The following GPR39 variants were observed in gnomAD, a reference collection of about 807,000 sequenced individuals.
The protein encoded by GPR39 is zinc sensing receptor.
GPR39 carries 23 observed loss-of-function variants against 18.4 expected under a neutral mutation model. That is an observed-to-expected ratio of 1.25 (90% CI 0.90 to 1.77). GPR39 has a LOEUF of 1.77. GPR39 is among the 40% of genes most tolerant of loss of function. The pLI is 0.00. For synonymous variants in GPR39, 280 were observed against 257.9 expected (o/e 1.09, Z -0.82); for missense variants, 647 against 602.4 (o/e 1.07, Z -0.78).
chr2:132,598,055 C>T (rs563428617), intron 1 of GPR39, among the ~76,000 whole-genome samples: 29 of 152,306 alleles, frequency 1.9e-4, no homozygotes, highest in African/African-American at 5.8e-4. Flanking sequence ...AGCTGCAAGT[C>T]GGGGCCACAG....
At chr2:132,528,571 G>A (rs1679553413) in intron 1 of GPR39, among the ~76,000 whole-genome samples, 1 of 152,172 alleles carries the variant, frequency 6.6e-6, no homozygotes, top group South Asian at 2.1e-4. Context: ...AGGATGGAAT[G>A]TTTTCCATTG....
chr2:132,499,738 C>G (rs554663522), intron 1 of GPR39, among the ~76,000 whole-genome samples: 1 of 152,212 alleles, frequency 6.6e-6, no homozygotes, highest in African/African-American at 2.4e-5. Context: ...TCTATGATTT[C>G]TTTCAGCAGT....
At chr2:132,608,398 CCT>C (rs1681179130) in intron 1 of GPR39, among the ~76,000 whole-genome samples, 1 of 152,166 alleles carries the variant, frequency 6.6e-6, no homozygotes, top group African/African-American at 2.4e-5. Context: ...CCCCCGGCTC[CCT>C]GTCATTTCCA....
chr2:132,420,947 G>A (rs982483999), intron 1 of GPR39, among the ~76,000 whole-genome samples: 2 of 152,224 alleles, frequency 1.3e-5, no homozygotes, highest in Admixed American at 6.5e-5. Context: ...GGAAATAGGA[G>A]TGTCTTGTCT....
chr2:132,638,644 C>T (rs1478960921), intron 1 of GPR39, among the ~76,000 whole-genome samples: 16 of 152,218 alleles, frequency 1.1e-4, no homozygotes, highest in Admixed American at 1.0e-3. Flanking sequence ...ATCAACATCT[C>T]AGCTGACTTG....
intron 1 of GPR39, among the ~76,000 whole-genome samples, chr2:132,488,282 CT>C (rs1266261856): frequency 6.6e-6 from 1 of 152,066 alleles, no homozygotes; most frequent in East Asian, 1.9e-4. Flanking sequence ...ATTTTAAAAC[CT>C]TTAAAAGCGT....
At chr2:132,469,262 C>G (rs1680986636) in intron 1 of GPR39, among the ~76,000 whole-genome samples, 1 of 152,194 alleles carries the variant, frequency 6.6e-6, no homozygotes, top group Non-Finnish European at 1.5e-5. Context: ...CCCCTGCTGA[C>G]AGATCCTATT....
At chr2:132,634,207 T>C (rs1681706908) in intron 1 of GPR39, among the ~76,000 whole-genome samples, 1 of 152,082 alleles carries the variant, frequency 6.6e-6, no homozygotes. Context: ...GAGATGATTC[T>C]GGAGGTGAGA....
At chr2:132,515,309 T>G (rs1679312711) in intron 1 of GPR39, among the ~76,000 whole-genome samples, 1 of 152,234 alleles carries the variant, frequency 6.6e-6, no homozygotes, top group African/African-American at 2.4e-5. Context: ...CTCTTAGTTA[T>G]TGACTGACCA....
intron 1 of GPR39, among the ~76,000 whole-genome samples, chr2:132,561,291 A>G (rs1195013991): frequency 6.6e-6 from 1 of 152,102 alleles, no homozygotes; most frequent in African/African-American, 2.4e-5. Flanking sequence ...GTCCCACTCC[A>G]GGTGAATCAT....
At chr2:132,615,838 C>A (rs1681324122) in intron 1 of GPR39, among the ~76,000 whole-genome samples, 1 of 151,990 alleles carries the variant, frequency 6.6e-6, no homozygotes, top group South Asian at 2.1e-4. Flanking sequence ...GAGGCCTTTA[C>A]TCTCAGGTGT....
intron 1 of GPR39, among the ~76,000 whole-genome samples, chr2:132,512,939 G>A (rs948490415): frequency 1.3e-5 from 2 of 152,130 alleles, no homozygotes; most frequent in Non-Finnish European, 2.9e-5. Context: ...GTGGCTTAAA[G>A]CACCCATTAT....
At chr2:132,474,830 A>C (rs1339422228) in intron 1 of GPR39, among the ~76,000 whole-genome samples, 1 of 152,172 alleles carries the variant, frequency 6.6e-6, no homozygotes, top group Non-Finnish European at 1.5e-5. Flanking sequence ...TCCTGCCTGC[A>C]GTGGACAGCC....
In GPR39 at chr2:132,417,178, C is replaced by G. The variant is rs754912181; in HGVS notation, c.136C>G (p.Leu46Val). The change falls in exon 1 of 2, where the codon CTG becomes GTG. Residue 46 changes from leucine to valine, a missense_variant. Physicochemically the swap from Leu to Val is conservative, Grantham distance 32 (BLOSUM62 1). Around this residue, in one of 3 missense-constraint regions of GPR39, gnomAD observed 61 missense variants for 79.2 expected, o/e 0.77. Coordinates refer to ENST00000329321, the MANE Select transcript of GPR39 (RefSeq NM_001508.3). Reference sequence around the variant, plus strand: ...CCTGATCATCTTCGTGATGGGCCTTCTGGGGAACAGCGCCACCATTCGGGT... The same window carrying G: ...CCTGATCATCTTCGTGATGGGCCTTGTGGGGAACAGCGCCACCATTCGGGT... ...VYLIIFVMGLLGNSATIRVTQ... is the reference protein window; with the variant it reads ...VYLIIFVMGLVGNSATIRVTQ... The G allele has an allele frequency of 2.5e-6, 4 of 1,614,028 alleles. No individual in the cohort carries two copies. The highest frequency in any genetic ancestry group is 2.2e-5 in the South Asian group (2 of 91,086).
chr2:132,595,717 G>A (rs1047960770), intron 1 of GPR39, among the ~76,000 whole-genome samples: 2 of 152,068 alleles, frequency 1.3e-5, no homozygotes, highest in Non-Finnish European at 2.9e-5. Flanking sequence ...TCATCATAAT[G>A]TGCCATTTTT....
chr2:132,528,213 C>T (rs1679547238), intron 1 of GPR39, among the ~76,000 whole-genome samples: 1 of 152,228 alleles, frequency 6.6e-6, no homozygotes, highest in African/African-American at 2.4e-5. Flanking sequence ...TTGTTTTTGT[C>T]AGGTTTGTTG....
In GPR39 at chr2:132,621,776, C is replaced by T. The variant is rs553537849; in HGVS notation, c.857-23325C>T. On this transcript the variant is annotated intron_variant, in intron 1 of 1. Transcript: ENST00000329321. The stretch of plus-strand genomic sequence containing the variant: ...AAGTGGGTTCAGTGATGTCCATCTT[C>T]CAAGGTTATTGCAGGGCGTGAATTT... 1.5e-3 allele frequency among the ~76,000 whole-genome samples: 226 copies of T among 152,304 alleles called. 1 individual carries two copies. The highest frequency in any genetic ancestry group is 5.0e-3 in the African/African-American group (209 of 41,566).
chr2:132,441,433 T>C (rs941173201), intron 1 of GPR39, among the ~76,000 whole-genome samples: 14 of 151,998 alleles, frequency 9.2e-5, no homozygotes, highest in Admixed American at 7.9e-4. Context: ...GTTTATTGAA[T>C]GCCTACCATG....
At chr2:132,556,525 G>A (rs913631829) in intron 1 of GPR39, among the ~76,000 whole-genome samples, 1 of 152,078 alleles carries the variant, frequency 6.6e-6, no homozygotes. Context: ...TGGGGGTTGG[G>A]GATCACTGGG....
Sources: gnomAD v4.1 joint callset for allele counts (sites outside exome capture counted in the v4.1 genomes callset) on GRCh38, gnomAD v4.1.1 for gene constraint, gnomAD v4.1.1 regional missense constraint, MANE v1.5 for transcripts, NCBI Gene and HGNC (gene_info 2026-07-23, HGNC 2026-07-21) for gene names.